Variants in AGAP1 observed in about 807,000 individuals in gnomAD.
AGAP1 encodes the protein ArfGAP with GTPase domain, ankyrin repeat and PH domain 1, also known as arf-GAP with GTPase, ANK repeat and PH domain-containing protein 1.
A neutral mutation model predicts 105.3 loss-of-function variants in AGAP1; 29 were observed. The observed-to-expected ratio is 0.28, with a 90% CI of 0.21 to 0.38. The LOEUF is 0.38. Ranked by LOEUF, AGAP1 falls within the 10% of genes least tolerant of loss-of-function variation. The pLI, the probability that AGAP1 is intolerant of heterozygous loss-of-function variation, is 1.00. For missense variants in AGAP1, 998 were observed against 1,165.1 expected (o/e 0.86, Z 2.09); for synonymous variants, 509 against 485.9 (o/e 1.05, Z -0.63).
At chr2:235,972,240 A>G (rs1431218364) in intron 13 of AGAP1, among the ~76,000 whole-genome samples, 1 of 152,230 alleles carries the variant, frequency 6.6e-6, no homozygotes, top group East Asian at 1.9e-4. Flanking sequence ...AGATTTGTGT[A>G]AAGTAGTTGA....
At chr2:235,562,253 A>C (rs1336487661) in intron 1 of AGAP1, among the ~76,000 whole-genome samples, 1 of 152,164 alleles carries the variant, frequency 6.6e-6, no homozygotes, top group Non-Finnish European at 1.5e-5. Context: ...CAGTGTAGTC[A>C]AATCATAACA....
intron 9 of AGAP1, among the ~76,000 whole-genome samples, chr2:235,827,455 A>G (rs1959133896): frequency 6.6e-6 from 1 of 152,194 alleles, no homozygotes; most frequent in South Asian, 2.1e-4. Flanking sequence ...GTATTTCTGC[A>G]CTTTAATGAC....
chr2:235,797,568 G>C (rs539522184), intron 6 of AGAP1, among the ~76,000 whole-genome samples, 191 bp from the exon 7 acceptor site: 2 of 151,992 alleles, frequency 1.3e-5, no homozygotes, highest in Non-Finnish European at 2.9e-5. Context: ...ATGCGGGGGT[G>C]GGGGGACGGG....
chr2:235,821,432 G>A (rs1339385958), intron 9 of AGAP1, among the ~76,000 whole-genome samples: 2 of 144,446 alleles, frequency 1.4e-5, no homozygotes, highest in African/African-American at 5.2e-5. Context: ...CACCCAGGCT[G>A]GAGTGCAGTG....
intron 9 of AGAP1, among the ~76,000 whole-genome samples, chr2:235,869,082 G>A (rs1284754389): frequency 6.6e-6 from 1 of 152,136 alleles, no homozygotes; most frequent in Non-Finnish European, 1.5e-5. Flanking sequence ...AATAATTTGA[G>A]GTGTCACAAA....
rs1459130404 is a variant in AGAP1, at chr2:236,042,767, AAGACCACCTGAGC to A, written c.1891+1930_1891+1942del. On this transcript the variant is annotated intron_variant, in intron 15 of 17. Coordinates refer to ENST00000304032, the MANE Select transcript of AGAP1 (RefSeq NM_001037131.3). This position sits in a 1 kb window ranked among gnomAD's most constrained non-coding sequence, Gnocchi z 5.6. ...AGGTGTGGGCCAGTTTGTTCTGAGC[AAGACCACCTGAGC>A]AGATGGACAGGGACAAAGGGAAAAG... Among the ~76,000 whole-genome samples the A allele has an allele frequency of 3.3e-5, 5 of 152,188 alleles. No individual in the cohort carries two copies. The East Asian group carries it at 9.7e-4, about 29-fold the overall frequency.
chr2:235,661,540 G>C (rs959757125), intron 1 of AGAP1, among the ~76,000 whole-genome samples: 1 of 144,534 alleles, frequency 6.9e-6, no homozygotes, highest in Non-Finnish European at 1.5e-5. Context: ...GGGGTGGGGG[G>C]GCTGTAGGAT....
At chr2:235,869,479 T>C (rs1246758440) in intron 9 of AGAP1, among the ~76,000 whole-genome samples, 1 of 141,076 alleles carries the variant, frequency 7.1e-6, no homozygotes, top group Admixed American at 7.4e-5. Context: ...CAGGTGCCTG[T>C]AATCCCAGCT....
At position 235,962,110 on chromosome 2, in the gene AGAP1, C is replaced by T. The variant is rs73130484; in HGVS notation, c.1484-6352C>T. Among the ~76,000 whole-genome samples, 5,140 of 151,684 alleles carry T rather than the reference C, an allele frequency of 0.034. 267 individuals carry two copies. Among genetic ancestry groups the T allele is most frequent in the African/African-American group, 0.12 (4,886 of 41,146 alleles). ...TCAGTGAAGTGAAAAGTGAGGTCAT[C>T]GTGAGGATGGTGTGGGGCGTGGGGT... On this transcript the variant is annotated intron_variant, in intron 12 of 17. Transcript: ENST00000304032. This position sits in a 1 kb window ranked among gnomAD's most constrained non-coding sequence, Gnocchi z 5.3.
rs1228991957 is a variant in AGAP1 at position 235,893,983 on chromosome 2, C to T, written c.1155+10534C>T. The stretch of plus-strand genomic sequence containing the variant: ...ATAGGGTTGGGTGAACACACACACA[C>T]ACACGTAATCACTGCCTCACGTGGC... On this transcript the variant is annotated intron_variant, in intron 10 of 17. Transcript: ENST00000304032. The surrounding 1 kb of genome is among the most constrained non-coding windows in gnomAD (Gnocchi z 4.7). 6.6e-6 allele frequency among the ~76,000 whole-genome samples: 1 copy of T among 152,194 alleles called. No individual in the cohort carries two copies. The highest frequency in any genetic ancestry group is 1.5e-5 in the Non-Finnish European group (1 of 68,048).
rs1946074717 is a variant in AGAP1 at position 235,610,017 on chromosome 2, A to G, written c.164-99162A>G. Among the ~76,000 whole-genome samples the G allele has an allele frequency of 6.6e-6, 1 of 152,080 alleles. No homozygotes were observed. Among genetic ancestry groups the G allele is most frequent in the African/African-American group, 2.4e-5 (1 of 41,426 alleles). On this transcript the variant is annotated intron_variant, in intron 1 of 17. Transcript: ENST00000304032. The surrounding 1 kb of genome is among the most constrained non-coding windows in gnomAD (Gnocchi z 4.9). ...AACAGCTCCATTTAGCTAGGGTAGGATAATGGTAAAGTTGCCAGCAGCAAT... is the reference window on the plus strand; with the variant it reads ...AACAGCTCCATTTAGCTAGGGTAGGGTAATGGTAAAGTTGCCAGCAGCAAT...
chr2:235,853,511 AATAG>A (rs1440120104), intron 9 of AGAP1, among the ~76,000 whole-genome samples: 2 of 152,214 alleles, frequency 1.3e-5, no homozygotes, highest in Admixed American at 6.5e-5. Context: ...AGTGTTTTAT[AATAG>A]ATAGATTAAA....
chr2:236,085,439 A>G (rs2058904847), intron 16 of AGAP1, among the ~76,000 whole-genome samples: 1 of 152,138 alleles, frequency 6.6e-6, no homozygotes, highest in South Asian at 2.1e-4. Flanking sequence ...GTTCTTGCTC[A>G]GATGATCAAA....
At chr2:235,975,500 G>T (rs1014396041) in intron 13 of AGAP1, among the ~76,000 whole-genome samples, 4 of 152,154 alleles carry the variant, frequency 2.6e-5, no homozygotes, top group African/African-American at 9.7e-5. Flanking sequence ...TGCTTGTTTT[G>T]TTATTTAGAA....
intron 11 of AGAP1, among the ~76,000 whole-genome samples, chr2:235,917,398 C>T (rs545342172): frequency 6.7e-4 from 102 of 152,236 alleles, no homozygotes; most frequent in South Asian, 4.2e-3. Flanking sequence ...TATTCAGTGA[C>T]CTAGAATACT....
intron 6 of AGAP1, among the ~76,000 whole-genome samples, chr2:235,781,003 C>A (rs910433060): frequency 6.6e-6 from 1 of 152,074 alleles, no homozygotes; most frequent in African/African-American, 2.4e-5. Context: ...ATTCTCTGGA[C>A]AATTATTTAA....
At chr2:236,024,681 A>G (rs1022468954) in intron 13 of AGAP1, among the ~76,000 whole-genome samples, 1 of 152,244 alleles carries the variant, frequency 6.6e-6, no homozygotes, top group Non-Finnish European at 1.5e-5. Context: ...GATTCATGTA[A>G]TGAGGAGGGA....
rs1950245702 is a variant in AGAP1 at position 235,701,233 on chromosome 2, A to G, written c.164-7946A>G. Among the ~76,000 whole-genome samples, 1 of 151,972 alleles carries G rather than the reference A, an allele frequency of 6.6e-6. No individual in the cohort carries two copies. Among genetic ancestry groups the G allele is most frequent in the South Asian group, 2.1e-4 (1 of 4,824 alleles). ...GAAGTTACAAACCTGCAAATCCTCT[A>G]GAGCCCATTTGGGCCGGCAAACTTT... On this transcript the variant is annotated intron_variant, in intron 1 of 17. Transcript: ENST00000304032. This position sits in a 1 kb window ranked among gnomAD's most constrained non-coding sequence, Gnocchi z 4.1.
Position 235,663,072 on chromosome 2 carries a change from C to G in AGAP1, c.164-46107C>G, listed in dbSNP as rs1450771720. Among the ~76,000 whole-genome samples, 1 of 152,112 alleles carries G rather than the reference C, an allele frequency of 6.6e-6. No individual in the cohort carries two copies. Among genetic ancestry groups the G allele is most frequent in the Non-Finnish European group, 1.5e-5 (1 of 68,022 alleles). On this transcript the variant is annotated intron_variant, in intron 1 of 17. Coordinates refer to ENST00000304032, the MANE Select transcript of AGAP1 (RefSeq NM_001037131.3). This position sits in a 1 kb window ranked among gnomAD's most constrained non-coding sequence, Gnocchi z 5.4. ...GGGTATGGTGGCTCACACCTGTAATCCCAGCACTTTGGGAGGCCGAGGCGG... is the reference window on the plus strand; with the variant it reads ...GGGTATGGTGGCTCACACCTGTAATGCCAGCACTTTGGGAGGCCGAGGCGG...
Sources: gnomAD v4.1 joint callset for allele counts (sites outside exome capture counted in the v4.1 genomes callset) on GRCh38, gnomAD v4.1.1 for gene constraint, Gnocchi (gnomAD v3.1) non-coding constraint, MANE v1.5 for transcripts, NCBI Gene and HGNC (gene_info 2026-07-23, HGNC 2026-07-21) for gene names.